Variants in NPHP4 observed in about 807,000 individuals in gnomAD.
NPHP4 encodes nephrocystin-4.
Under a neutral mutation model 155.8 loss-of-function variants are expected in NPHP4, and 151 were observed. The ratio of observed to expected loss-of-function variants is 0.97; its 90% CI spans 0.85 to 1.11. NPHP4 has a LOEUF of 1.11. Ranked by LOEUF, NPHP4 falls within the 50% of genes least tolerant of loss-of-function variation. NPHP4 has a pLI of 0.00. For missense variants in NPHP4, 1,956 were observed against 1,925.7 expected, an observed-to-expected ratio of 1.02 and a Z score of -0.29; for synonymous variants, 845 against 816.8, an observed-to-expected ratio of 1.03 and a Z score of -0.59.
chr1:5,955,220 G>A lies in NPHP4; in HGVS notation c.674-2384C>T, dbSNP rs540822022. On this transcript the variant is annotated intron_variant, in intron 6 of 29. Coordinates refer to ENST00000378156, the MANE Select transcript of NPHP4 (RefSeq NM_015102.5). Reference sequence around the variant, plus strand: ...CAGTGAGAATGGCCACCATCAAAAAGATAAAAGAAAATAAGCATTGGTGAG... The same window carrying A: ...CAGTGAGAATGGCCACCATCAAAAAAATAAAAGAAAATAAGCATTGGTGAG... Among the ~76,000 whole-genome samples, 7 of 152,254 alleles carry A rather than the reference G, an allele frequency of 4.6e-5. No individual in the cohort carries two copies. In the East Asian group the frequency reaches 1.2e-3, roughly 25 times the overall value.
At chr1:5,961,124 CCT>C (rs747646021) in intron 6 of NPHP4, among the ~76,000 whole-genome samples, 1 of 152,188 alleles carries the variant, frequency 6.6e-6, no homozygotes, top group African/African-American at 2.4e-5. Flanking sequence ...GAGCAATTCC[CCT>C]CTCTTCCTAA....
Position 5,892,930 on chromosome 1 carries a change from G to C in NPHP4, c.2144-1902C>G, listed in dbSNP as rs1227065023. Among the ~76,000 whole-genome samples, 2 of 152,100 alleles carry C rather than the reference G, an allele frequency of 1.3e-5. No homozygotes were observed. Among genetic ancestry groups the C allele is most frequent in the African/African-American group, 4.8e-5 (2 of 41,412 alleles). ...CCGGCTGGAATCCTCACTGCTTCTGGGGTTGAGGAAACAGAAAACACAGTA... is the reference window on the plus strand; with the variant it reads ...CCGGCTGGAATCCTCACTGCTTCTGCGGTTGAGGAAACAGAAAACACAGTA... On this transcript the variant is annotated intron_variant, in intron 16 of 29. Transcript: ENST00000378156. This position sits in a 1 kb window ranked among gnomAD's most constrained non-coding sequence, Gnocchi z 4.5.
At chr1:5,904,162 C>G (rs1644803783) in intron 16 of NPHP4, among the ~76,000 whole-genome samples, 1 of 152,174 alleles carries the variant, frequency 6.6e-6, no homozygotes, top group African/African-American at 2.4e-5. Context: ...CAACTGCAGA[C>G]AGAGACTGAA....
chr1:5,977,633 A>T (rs1474571711), intron 3 of NPHP4, among the ~76,000 whole-genome samples: 2 of 151,216 alleles, frequency 1.3e-5, no homozygotes, highest in African/African-American at 4.9e-5. Flanking sequence ...TGCTGAATGG[A>T]ATGTATGCTG....
chr1:5,920,862 T>C (rs1645709594), intron 11 of NPHP4, among the ~76,000 whole-genome samples: 1 of 152,244 alleles, frequency 6.6e-6, no homozygotes, highest in Non-Finnish European at 1.5e-5. Flanking sequence ...TATTTTAATA[T>C]AATCTTATTT....
chr1:5,956,768 C>G (rs1649323604), intron 6 of NPHP4, among the ~76,000 whole-genome samples: 1 of 152,218 alleles, frequency 6.6e-6, no homozygotes. Context: ...GAATTTAAGA[C>G]ACAACTTTCA....
intron 11 of NPHP4, among the ~76,000 whole-genome samples, chr1:5,912,729 T>A (rs1298792896): frequency 6.6e-6 from 1 of 152,060 alleles, no homozygotes; most frequent in Non-Finnish European, 1.5e-5. Context: ...CACCTGTAGG[T>A]CCCTGATGGA....
In NPHP4 at chr1:5,947,829, G is replaced by T. The variant is rs368726424; in HGVS notation, c.992+241C>A. On this transcript the variant is annotated intron_variant, in intron 8 of 29. Transcript: ENST00000378156. ...CCGTAGACCCTCAGCAGCCGCAGCT[G>T]GAAGCATCCATAATGCTAACCCCCA... Among the ~76,000 whole-genome samples the T allele has an allele frequency of 3.7e-4, 56 of 152,180 alleles. 2 individuals carry two copies. In the East Asian group the frequency reaches 0.011, roughly 29 times the overall value.
At chr1:5,970,032 G>A (rs1652280507) in intron 3 of NPHP4, among the ~76,000 whole-genome samples, 1 of 152,046 alleles carries the variant, frequency 6.6e-6, no homozygotes, top group Admixed American at 6.6e-5. Context: ...CATGCAAATG[G>A]CCAGCCTCTG....
intron 16 of NPHP4, among the ~76,000 whole-genome samples, chr1:5,903,263 T>C (rs1301365204): frequency 6.6e-6 from 1 of 152,200 alleles, no homozygotes; most frequent in Admixed American, 6.5e-5. Flanking sequence ...AGGCTACGTA[T>C]GTTAGAAGAT....
At chr1:5,863,525 C>T (rs956635831) in intron 29 of NPHP4, 120 bp from the exon 30 acceptor site, 13 of 1,254,092 alleles carry the variant, frequency 1.0e-5, no homozygotes, top group Admixed American at 1.9e-5. Context: ...GGGAGCCCTG[C>T]GGGTGCATCC....
At position 5,863,226 on chromosome 1, in the gene NPHP4, C is replaced by A; in HGVS notation, c.*39G>T. 6.2e-7 allele frequency: 1 copy of A among 1,613,076 alleles called. No homozygotes were observed. On this transcript the variant is annotated 3_prime_UTR_variant, in exon 30 of 30. Coordinates refer to ENST00000378156, the MANE Select transcript of NPHP4 (RefSeq NM_015102.5). ...AGGGCAGGAGGGGCACAGACAGGCC[C>A]CAGCTGGGTGCCGCAGGAAGGACGT...
At chr1:5,989,723 G>A (rs1388766040) in intron 1 of NPHP4, among the ~76,000 whole-genome samples, 1 of 152,210 alleles carries the variant, frequency 6.6e-6, no homozygotes, top group Non-Finnish European at 1.5e-5. Context: ...TGACGCAGAT[G>A]CCCATGCTCC....
intron 11 of NPHP4, among the ~76,000 whole-genome samples, chr1:5,913,773 T>C (rs1229773380): frequency 6.6e-6 from 1 of 152,204 alleles, no homozygotes; most frequent in Non-Finnish European, 1.5e-5. Flanking sequence ...GCAGAAGTTG[T>C]ACAGTGAACA....
At chr1:5,880,273 C>A (rs1180005395) in intron 18 of NPHP4, 34 bp from the exon 19 acceptor site, 2 of 1,609,490 alleles carry the variant, frequency 1.2e-6, no homozygotes, top group African/African-American at 1.3e-5. Context: ...AAGACATGAA[C>A]CCCAAATGAG....
intron 3 of NPHP4, among the ~76,000 whole-genome samples, chr1:5,971,359 G>C (rs1652530477): frequency 6.6e-6 from 1 of 152,214 alleles, no homozygotes; most frequent in Non-Finnish European, 1.5e-5. Flanking sequence ...GCCGCTCCAA[G>C]TGCAGCATGT....
intron 4 of NPHP4, among the ~76,000 whole-genome samples, chr1:5,967,939 C>T (rs1482527675): frequency 6.6e-6 from 1 of 151,978 alleles, no homozygotes; most frequent in Non-Finnish European, 1.5e-5. Flanking sequence ...AACATGTAGG[C>T]TTTAACCCTA....
chr1:5,937,266 C>G (rs571329472), intron 9 of NPHP4, among the ~76,000 whole-genome samples: 1 of 152,144 alleles, frequency 6.6e-6, no homozygotes, highest in Non-Finnish European at 1.5e-5. Context: ...CTTAGCCCTA[C>G]CACACCTGGG....
chr1:5,909,889 C>T (rs1337573360), intron 11 of NPHP4, among the ~76,000 whole-genome samples: 1 of 152,190 alleles, frequency 6.6e-6, no homozygotes, highest in Non-Finnish European at 1.5e-5. Flanking sequence ...GCCACCTGTA[C>T]CTGCCCAGCC....
Sources: allele counts gnomAD v4.1 joint callset (sites outside exome capture counted in the v4.1 genomes callset), GRCh38; gene constraint gnomAD v4.1.1; non-coding constraint Gnocchi (gnomAD v3.1); transcripts MANE v1.5; gene names NCBI Gene and HGNC (gene_info 2026-07-23, HGNC 2026-07-21).